ZNF462: variants seen among roughly 807,000 people sequenced by gnomAD.
ZNF462 encodes zinc finger protein 462.
A neutral mutation model predicts 201.9 loss-of-function variants in ZNF462; 10 were observed. That is an observed-to-expected ratio of 0.05 (90% CI 0.03 to 0.08). The LOEUF (loss-of-function observed/expected upper bound fraction) is 0.08. Ranked by LOEUF, ZNF462 falls within the 10% of genes least tolerant of loss-of-function variation. ZNF462 has a pLI of 1.00. For synonymous variants in ZNF462, 1,227 were observed against 1,193.3 expected (o/e 1.03, Z -0.58); for missense variants, 2,523 against 3,168.3 (o/e 0.80, Z 4.89).
chr9:106,996,803 G>T (rs879605406), intron 10 of ZNF462, among the ~76,000 whole-genome samples: 5 of 152,052 alleles, frequency 3.3e-5, no homozygotes, highest in Admixed American at 1.3e-4. Flanking sequence ...TATACCTTAT[G>T]ATCTCTCATG....
Position 106,925,483 on chromosome 9 carries a change from G to A in ZNF462, c.1571G>A (p.Ser524Asn). 6.2e-7 allele frequency: 1 copy of A among 1,614,154 alleles called. No homozygotes were observed. Among genetic ancestry groups the A allele is most frequent in the Non-Finnish European group, 8.5e-7 (1 of 1,180,040 alleles). ...GGTGTGGTGTCTTATGAGAGCTCAA[G>A]CATCAATGGTAGAAAGTCAGGAGTC... ...NEGVVSYESS[S>N]INGRKSGVML... The change falls in exon 3 of 13, where the codon AGC (serine) becomes AAC (asparagine). Residue 524 changes from serine to asparagine, a missense_variant. Physicochemically the swap from Ser to Asn is conservative, Grantham distance 46. This residue lies in a region of ZNF462 where 383 missense variants were observed against 453.4 expected (regional missense o/e 0.84). Coordinates refer to ENST00000277225, the MANE Select transcript of ZNF462 (RefSeq NM_021224.6). The surrounding 1 kb of genome is among the most constrained non-coding windows in gnomAD (Gnocchi z 7.9).
intron 9 of ZNF462, among the ~76,000 whole-genome samples, chr9:106,980,854 A>G (rs1223960324): frequency 6.6e-6 from 1 of 152,196 alleles, no homozygotes; most frequent in Non-Finnish European, 1.5e-5. Context: ...GAAGTCAAAA[A>G]GACCCACAGT....
At chr9:106,980,959 T>C (rs978208011) in intron 9 of ZNF462, among the ~76,000 whole-genome samples, 2 of 152,216 alleles carry the variant, frequency 1.3e-5, no homozygotes, top group Non-Finnish European at 2.9e-5. Context: ...TTTTTAACTT[T>C]TATGTCTTTC....
At chr9:106,873,595 C>G (rs1827694417) in intron 1 of ZNF462, among the ~76,000 whole-genome samples, 1 of 152,156 alleles carries the variant, frequency 6.6e-6, no homozygotes, top group Non-Finnish European at 1.5e-5. Context: ...GGTGCAGATT[C>G]TCTTAAAAGT....
chr9:106,964,792 G>A (rs1328334860), intron 7 of ZNF462, among the ~76,000 whole-genome samples: 1 of 151,948 alleles, frequency 6.6e-6, no homozygotes, highest in Non-Finnish European at 1.5e-5. Flanking sequence ...AATTGAATGA[G>A]CTCAGTAGCA....
upstream of ZNF462, among the ~76,000 whole-genome samples, chr9:106,861,758 A>T (rs1587957068): frequency 6.6e-6 from 1 of 152,194 alleles, no homozygotes; most frequent in East Asian, 1.9e-4. Context: ...GAGGGGGGGA[A>T]CCACTCCTTT....
At chr9:106,891,708 A>G (rs1160569720) in intron 1 of ZNF462, among the ~76,000 whole-genome samples, 1 of 152,196 alleles carries the variant, frequency 6.6e-6, no homozygotes, top group Non-Finnish European at 1.5e-5. Flanking sequence ...ACCCTTGATT[A>G]TAGAAAAGGT....
intron 7 of ZNF462, among the ~76,000 whole-genome samples, chr9:106,939,387 C>T (rs551122486): frequency 5.3e-5 from 8 of 152,088 alleles, no homozygotes; most frequent in East Asian, 3.9e-4. Context: ...AGTTTTGGAT[C>T]GTTCCACTGT....
chr9:106,940,917 T>C (rs16925955), intron 7 of ZNF462, among the ~76,000 whole-genome samples: 15,103 of 152,108 alleles, frequency 0.099, 1,881 homozygotes, highest in African/African-American at 0.29. Flanking sequence ...TTGACTCAAA[T>C]TGTAGGATCT....
chr9:107,009,240 C>A lies in ZNF462; in HGVS notation c.7190-305C>A, dbSNP rs549081018. The stretch of plus-strand genomic sequence containing the variant: ...AGAATAAATCGGAAAAAATAATGCT[C>A]AGATTCCTTTGGAATCTCGGGCAAG... On this transcript the variant is annotated intron_variant, in intron 11 of 12. Coordinates refer to ENST00000277225, the MANE Select transcript of ZNF462 (RefSeq NM_021224.6). This position sits in a 1 kb window ranked among gnomAD's most constrained non-coding sequence, Gnocchi z 6.1. 5.8e-6 allele frequency: 2 copies of A among 346,660 alleles called. No individual in the cohort carries two copies. Among genetic ancestry groups the A allele is most frequent in the South Asian group, 1.1e-4 (2 of 17,536 alleles). 21.5% of individuals were successfully genotyped at this position (346,660 alleles called of 1,614,324 possible). A position where few individuals can be genotyped will look rare whatever the true frequency, so the allele number is the denominator to read the frequency against.
chr9:106,868,772 T>C (rs1292922263), intron 1 of ZNF462, among the ~76,000 whole-genome samples: 1 of 152,202 alleles, frequency 6.6e-6, no homozygotes, highest in African/African-American at 2.4e-5. Context: ...CCCTTTCCAC[T>C]ACCCCATTGC....
In ZNF462 at chr9:106,917,395, C is replaced by T. The variant is rs1829817218; in HGVS notation, c.-30-5959C>T. Among the ~76,000 whole-genome samples, 1 of 152,200 alleles carries T rather than the reference C, an allele frequency of 6.6e-6. No individual in the cohort carries two copies. Among genetic ancestry groups the T allele is most frequent in the South Asian group, 2.1e-4 (1 of 4,830 alleles). On this transcript the variant is annotated intron_variant, in intron 1 of 12. Transcript: ENST00000277225. The surrounding 1 kb of genome is among the most constrained non-coding windows in gnomAD (Gnocchi z 4.5). The stretch of plus-strand genomic sequence containing the variant: ...GATTGGGTTATTAATCTGCAAATTG[C>T]CTGCTTCAGACTTTGTGCTTATATA...
intron 1 of ZNF462, among the ~76,000 whole-genome samples, chr9:106,897,140 C>A (rs1357465333): frequency 6.6e-6 from 1 of 152,182 alleles, no homozygotes; most frequent in Non-Finnish European, 1.5e-5. Context: ...AGTAAAACTT[C>A]TTTTCAACCT....
chr9:106,958,259 C>T lies in ZNF462; in HGVS notation c.6428-13746C>T, dbSNP rs1421767971. On this transcript the variant is annotated intron_variant, in intron 7 of 12. Coordinates refer to ENST00000277225, the MANE Select transcript of ZNF462 (RefSeq NM_021224.6). ...ATTTACAGACACAGTAAAGGTAAAA[C>T]TGGGAGGCCACTATCTCACCTGCTC... Among the ~76,000 whole-genome samples the T allele has an allele frequency of 2.0e-5, 3 of 152,208 alleles. No individual in the cohort carries two copies. In the South Asian group the frequency reaches 6.2e-4, roughly 32 times the overall value.
chr9:106,864,065 T>G (rs897865259), intron 1 of ZNF462, among the ~76,000 whole-genome samples: 28 of 111,148 alleles, frequency 2.5e-4, no homozygotes, highest in African/African-American at 6.7e-4. Context: ...TCTCTCTCTC[T>G]CTCTCTCTCT....
At chr9:106,868,009 T>C (rs1827419009) in intron 1 of ZNF462, among the ~76,000 whole-genome samples, 3 of 151,872 alleles carry the variant, frequency 2.0e-5, no homozygotes. Context: ...ACTGGGATGA[T>C]TGGTATATTC....
chr9:106,924,069 A>C lies in ZNF462; in HGVS notation c.221-64A>C. ...ATGAAGAATAATTGGAATGGTACTG[A>C]TTTGCATGATTGGATATTTTAATTA... is the stretch of plus-strand genomic sequence containing the variant. On this transcript the variant is annotated intron_variant, in intron 2 of 12. Transcript: ENST00000277225. This position sits in a 1 kb window ranked among gnomAD's most constrained non-coding sequence, Gnocchi z 6.2. 1 of 1,360,194 alleles carries C rather than the reference A, an allele frequency of 7.4e-7. No homozygotes were observed. Among genetic ancestry groups the C allele is most frequent in the Non-Finnish European group, 1.0e-6 (1 of 992,658 alleles). 84.3% of individuals were successfully genotyped at this position (1,360,194 alleles called of 1,614,324 possible). A position where few individuals can be genotyped will look rare whatever the true frequency, so the allele number is the denominator to read the frequency against.
chr9:106,987,410 A>C (rs1827936149), intron 10 of ZNF462, among the ~76,000 whole-genome samples: 1 of 152,112 alleles, frequency 6.6e-6, no homozygotes, highest in South Asian at 2.1e-4. Flanking sequence ...CATTTCCCTG[A>C]TCATTAGTGA....
intron 1 of ZNF462, among the ~76,000 whole-genome samples, chr9:106,875,713 A>G (rs1467950248): frequency 6.6e-6 from 1 of 152,204 alleles, no homozygotes; most frequent in Non-Finnish European, 1.5e-5. Flanking sequence ...CCTGTATCAG[A>G]AGTGATACAG....
Sources: gnomAD v4.1 joint callset for allele counts (sites outside exome capture counted in the v4.1 genomes callset) on GRCh38, gnomAD v4.1.1 for gene constraint, gnomAD v4.1.1 regional missense constraint, Gnocchi (gnomAD v3.1) non-coding constraint, MANE v1.5 for transcripts, NCBI Gene and HGNC (gene_info 2026-07-23, HGNC 2026-07-21) for gene names.